Variants in DERA observed in about 807,000 individuals in gnomAD.
DERA encodes the protein deoxyribose-phosphate aldolase.
A neutral mutation model predicts 41.1 loss-of-function variants in DERA; 15 were observed. The ratio of observed to expected loss-of-function variants is 0.37; its 90% CI spans 0.24 to 0.56. DERA has a LOEUF of 0.56. Among genes scored for constraint, DERA ranks in the 20% least tolerant of loss-of-function variants. The pLI is 0.81. For synonymous variants in DERA, 139 were observed against 137.4 expected, an observed-to-expected ratio of 1.01 and a Z score of -0.08; for missense variants, 396 against 403.4, an observed-to-expected ratio of 0.98 and a Z score of 0.16.
Position 15,921,142 on chromosome 12 carries a change from G to A in DERA, c.31+9728G>A, listed in dbSNP as rs1230202516. On this transcript the variant is annotated intron_variant, in intron 1 of 8. Coordinates refer to ENST00000428559, the MANE Select transcript of DERA (RefSeq NM_015954.4). The surrounding 1 kb of genome is among the most constrained non-coding windows in gnomAD (Gnocchi z 5.3). ...TGGAAAGAAATAAGCCTTTTTATTT[G>A]ATTGAGATAAGTGAAGAAATGTGTT... is the stretch of plus-strand genomic sequence containing the variant. 6.6e-6 allele frequency among the ~76,000 whole-genome samples: 1 copy of A among 152,112 alleles called. No individual in the cohort carries two copies. The highest frequency in any genetic ancestry group is 1.5e-5 in the Non-Finnish European group (1 of 68,016).
At chr12:15,963,207 C>T (rs1382774506) in intron 5 of DERA, among the ~76,000 whole-genome samples, 1 of 152,174 alleles carries the variant, frequency 6.6e-6, no homozygotes, top group African/African-American at 2.4e-5. Context: ...AGATTCATAA[C>T]TTTTAAAACA....
At chr12:15,946,292 C>T (rs539560259) in intron 1 of DERA, among the ~76,000 whole-genome samples, 1 of 152,282 alleles carries the variant, frequency 6.6e-6, no homozygotes, top group African/African-American at 2.4e-5. Flanking sequence ...GGAATAGTTT[C>T]AGAAGGAATG....
rs1415899164 is a variant in DERA at position 15,984,629 on chromosome 12, ACT to A, written c.637+2196_637+2197del. Among the ~76,000 whole-genome samples the A allele has an allele frequency of 1.3e-5, 2 of 152,008 alleles. No homozygotes were observed. The highest frequency in any genetic ancestry group is 6.6e-5 in the Admixed American group (1 of 15,250). ...AAATAACCTGTATCACTATTTGAAC[ACT>A]CTGGTCTTCTGGCTCCAGATTTATT... On this transcript the variant is annotated intron_variant, in intron 6 of 8. Coordinates refer to ENST00000428559, the MANE Select transcript of DERA (RefSeq NM_015954.4). The surrounding 1 kb of genome is among the most constrained non-coding windows in gnomAD (Gnocchi z 4.5).
At chr12:15,962,789 C>A in intron 4 of DERA, 24 bp from the exon 5 acceptor site, 1 of 1,515,192 alleles carries the variant, frequency 6.6e-7, no homozygotes, top group Non-Finnish European at 8.9e-7. Flanking sequence ...CCTCTTTCTT[C>A]ATTTCCTTTC....
chr12:15,958,114 A>G, intron 2 of DERA, 74 bp from the exon 3 acceptor site: 2 of 1,301,912 alleles, frequency 1.5e-6, no homozygotes, highest in Non-Finnish European at 2.1e-6. Flanking sequence ...ATTCTCTACT[A>G]ACCACCTGGG....
Position 15,994,876 on chromosome 12 carries a change from T to C in DERA, c.637+12440T>C, listed in dbSNP as rs1948827095. ...TAAATGAAAAAAGAGTAATAAATCA[T>C]GTGAAGTTGGTAGTTTATAAATTCT... On this transcript the variant is annotated intron_variant, in intron 6 of 8. Transcript: ENST00000428559. The surrounding 1 kb of genome is among the most constrained non-coding windows in gnomAD (Gnocchi z 4.8). Among the ~76,000 whole-genome samples the C allele has an allele frequency of 6.6e-6, 1 of 152,198 alleles. No homozygotes were observed. The highest frequency in any genetic ancestry group is 1.5e-5 in the Non-Finnish European group (1 of 68,034).
At chr12:15,977,155 ATTCTAATGCCCATCTG>A (rs1948702689) in intron 5 of DERA, among the ~76,000 whole-genome samples, 1 of 152,178 alleles carries the variant, frequency 6.6e-6, no homozygotes, top group Non-Finnish European at 1.5e-5. Context: ...AGGTCCTAGG[ATTCTAATGCCCATCTG>A]TCAAGTGAGT....
Position 15,953,134 on chromosome 12 carries a change from G to A in DERA, c.32-3802G>A, listed in dbSNP as rs186090949. On this transcript the variant is annotated intron_variant, in intron 1 of 8. Coordinates refer to ENST00000428559, the MANE Select transcript of DERA (RefSeq NM_015954.4). Reference sequence around the variant, plus strand: ...TCTAGACTGAGAAACAATGCTTTACGGTGAATCAGAAATCTCCACTTATCC... The same window carrying A: ...TCTAGACTGAGAAACAATGCTTTACAGTGAATCAGAAATCTCCACTTATCC... Among the ~76,000 whole-genome samples the A allele has an allele frequency of 6.9e-4, 105 of 152,172 alleles. 2 individuals are homozygous for A. Among genetic ancestry groups the A allele is most frequent in the African/African-American group, 2.3e-3 (95 of 41,512 alleles).
rs1948852674 is a variant in DERA at position 15,998,323 on chromosome 12, A to G, written c.637+15887A>G. On this transcript the variant is annotated intron_variant, in intron 6 of 8. Coordinates refer to ENST00000428559, the MANE Select transcript of DERA (RefSeq NM_015954.4). This position sits in a 1 kb window ranked among gnomAD's most constrained non-coding sequence, Gnocchi z 4.8. The stretch of plus-strand genomic sequence containing the variant: ...CAGGAAGTCTTTCCTTTATTTATTT[A>G]TTTATTTATTTAGAGACGGAGTCTA... Among the ~76,000 whole-genome samples the G allele has an allele frequency of 6.6e-6, 1 of 151,778 alleles. No individual in the cohort carries two copies. The highest frequency in any genetic ancestry group is 6.6e-5 in the Admixed American group (1 of 15,222).
At position 15,943,025 on chromosome 12, in the gene DERA, G is replaced by A. The variant is rs1321784944; in HGVS notation, c.32-13911G>A. Among the ~76,000 whole-genome samples, 1 of 152,168 alleles carries A rather than the reference G, an allele frequency of 6.6e-6. No individual in the cohort carries two copies. The highest frequency in any genetic ancestry group is 1.5e-5 in the Non-Finnish European group (1 of 68,036). On this transcript the variant is annotated intron_variant, in intron 1 of 8. Transcript: ENST00000428559. The surrounding 1 kb of genome is among the most constrained non-coding windows in gnomAD (Gnocchi z 4.5). ...AGAGCTATCAAATTTGACTTCAGTAGTTACTTAGAGCATAGAGTGGTTGGG... is the reference window on the plus strand; with the variant it reads ...AGAGCTATCAAATTTGACTTCAGTAATTACTTAGAGCATAGAGTGGTTGGG...
intron 1 of DERA, among the ~76,000 whole-genome samples, chr12:15,932,824 A>G (rs1052708302): frequency 6.6e-6 from 1 of 152,080 alleles, no homozygotes; most frequent in Non-Finnish European, 1.5e-5. Flanking sequence ...AAATTTTTGT[A>G]CCCTTTGACC....
Position 16,017,918 on chromosome 12 carries a change from T to G in DERA, c.638-14624T>G, listed in dbSNP as rs1948993897. On this transcript the variant is annotated intron_variant, in intron 6 of 8. Coordinates refer to ENST00000428559, the MANE Select transcript of DERA (RefSeq NM_015954.4). This position sits in a 1 kb window ranked among gnomAD's most constrained non-coding sequence, Gnocchi z 5.5. ...AGCAGCAGTTGATTTGAAATCCTAC[T>G]TTTCATTAGTGAAGTATAAAATGTT... is the stretch of plus-strand genomic sequence containing the variant. Among the ~76,000 whole-genome samples, 1 of 152,224 alleles carries G rather than the reference T, an allele frequency of 6.6e-6. No homozygotes were observed. The highest frequency in any genetic ancestry group is 1.5e-5 in the Non-Finnish European group (1 of 68,032).
intron 6 of DERA, among the ~76,000 whole-genome samples, chr12:16,029,635 G>A (rs1312634645): frequency 6.6e-6 from 1 of 151,656 alleles, no homozygotes. Flanking sequence ...CCTGTGTGTC[G>A]TGCTCTGAGG....
intron 1 of DERA, among the ~76,000 whole-genome samples, chr12:15,942,665 G>A (rs1053962421): frequency 2.0e-5 from 3 of 152,186 alleles, no homozygotes; most frequent in Admixed American, 2.0e-4. Context: ...TGCCTGGCAT[G>A]CTGGGAGTGT....
rs1446686515 is a variant in DERA, at chr12:16,010,379, C to T, written c.638-22163C>T. Among the ~76,000 whole-genome samples, 2 of 152,104 alleles carry T rather than the reference C, an allele frequency of 1.3e-5. No individual in the cohort carries two copies. Among genetic ancestry groups the T allele is most frequent in the African/African-American group, 4.8e-5 (2 of 41,420 alleles). On this transcript the variant is annotated intron_variant, in intron 6 of 8. Transcript: ENST00000428559. The surrounding 1 kb of genome is among the most constrained non-coding windows in gnomAD (Gnocchi z 5.5). ...TGTCTTCAGGAATTTGTGAATGATT[C>T]TGATATCCCAGTGATATAAAACATG...
chr12:16,036,243 A>G lies in DERA; in HGVS notation c.762A>G (p.Lys254=). ...GCCTTCCCATTTAGATAGGGTTTAAACCAGCAGGAGGCATCCGCAGTGCAA... is the reference window on the plus strand; with the variant it reads ...GCCTTCCCATTTAGATAGGGTTTAAGCCAGCAGGAGGCATCCGCAGTGCAA... ...FWKTGNKIGF[K]PAGGIRSAKD... Residue 254 remains lysine, a synonymous_variant, in exon 8 of 9, where the codon AAA becomes AAG. Coordinates refer to ENST00000428559, the MANE Select transcript of DERA (RefSeq NM_015954.4). The surrounding 1 kb of genome is among the most constrained non-coding windows in gnomAD (Gnocchi z 4.9). 6.2e-7 allele frequency: 1 copy of G among 1,608,020 alleles called. No homozygotes were observed. Among genetic ancestry groups the G allele is most frequent in the Non-Finnish European group, 8.5e-7 (1 of 1,177,834 alleles).
Position 15,970,945 on chromosome 12 carries a change from T to C in DERA, c.508+7998T>C, listed in dbSNP as rs1241454250. ...GGTGTTACCATCTTTATTCAGAAAG[T>C]CATTATTTTTAGCAAAATGGGGCCA... On this transcript the variant is annotated intron_variant, in intron 5 of 8. Coordinates refer to ENST00000428559, the MANE Select transcript of DERA (RefSeq NM_015954.4). The surrounding 1 kb of genome is among the most constrained non-coding windows in gnomAD (Gnocchi z 4.3). 6.6e-6 allele frequency among the ~76,000 whole-genome samples: 1 copy of C among 152,238 alleles called. No homozygotes were observed. The highest frequency in any genetic ancestry group is 1.5e-5 in the Non-Finnish European group (1 of 68,042).
chr12:16,029,652 A>G (rs910848093), intron 6 of DERA, among the ~76,000 whole-genome samples: 1 of 151,988 alleles, frequency 6.6e-6, no homozygotes, highest in African/African-American at 2.4e-5. Flanking sequence ...GAGGATACAG[A>G]AGAGTATAAG....
intron 6 of DERA, among the ~76,000 whole-genome samples, chr12:16,027,092 C>T (rs997475669): frequency 6.6e-6 from 1 of 152,118 alleles, no homozygotes; most frequent in Non-Finnish European, 1.5e-5. Context: ...AATTCCAACA[C>T]CCATTTATAA....
Sources: gnomAD v4.1 joint callset for allele counts (sites outside exome capture counted in the v4.1 genomes callset) on GRCh38, gnomAD v4.1.1 for gene constraint, Gnocchi (gnomAD v3.1) non-coding constraint, MANE v1.5 for transcripts, NCBI Gene and HGNC (gene_info 2026-07-23, HGNC 2026-07-21) for gene names.